SYT1: variants seen among roughly 807,000 people sequenced by gnomAD.
SYT1 encodes the protein synaptotagmin-1.
SYT1 carries 8 observed loss-of-function variants against 44.8 expected under a neutral mutation model. The ratio of observed to expected loss-of-function variants is 0.18; its 90% confidence interval spans 0.10 to 0.32. The LOEUF is 0.32. Ranked by LOEUF, SYT1 falls within the 10% of genes least tolerant of loss-of-function variation. The pLI is 1.00. For missense variants in SYT1, 286 were observed against 509.3 expected, an observed-to-expected ratio of 0.56 and a Z score of 4.22; for synonymous variants, 154 against 188.8, an observed-to-expected ratio of 0.82 and a Z score of 1.51.
intron 3 of SYT1, among the ~76,000 whole-genome samples, chr12:79,084,548 T>C (rs904776702): frequency 6.6e-6 from 1 of 152,108 alleles, no homozygotes; most frequent in African/African-American, 2.4e-5. Context: ...ACTCTTTCAC[T>C]TTTAGTGATA....
At chr12:79,153,380 A>G (rs888179169) in intron 3 of SYT1, among the ~76,000 whole-genome samples, 3 of 152,154 alleles carry the variant, frequency 2.0e-5, no homozygotes, top group Non-Finnish European at 2.9e-5. Flanking sequence ...GCCATTGAAC[A>G]TGTTAGAAAA....
intron 3 of SYT1, among the ~76,000 whole-genome samples, chr12:79,066,419 A>G (rs1168608011): frequency 6.6e-6 from 1 of 151,884 alleles, no homozygotes; most frequent in African/African-American, 2.4e-5. Flanking sequence ...ACTTCAGAAA[A>G]TCTTAAACTT....
At chr12:78,980,410 A>G (rs1376990968) in intron 2 of SYT1, among the ~76,000 whole-genome samples, 1 of 152,192 alleles carries the variant, frequency 6.6e-6, no homozygotes, top group Non-Finnish European at 1.5e-5. Context: ...TTTGTAAACT[A>G]GATATGTCCT....
intron 9 of SYT1, among the ~76,000 whole-genome samples, chr12:79,414,786 G>A (rs1868631858): frequency 6.6e-6 from 1 of 152,140 alleles, no homozygotes. Context: ...AGATGAATGA[G>A]GGCTACAAGA....
intron 9 of SYT1, among the ~76,000 whole-genome samples, chr12:79,364,846 A>C (rs994380055): frequency 6.6e-6 from 1 of 152,188 alleles, no homozygotes; most frequent in Non-Finnish European, 1.5e-5. Flanking sequence ...CTACATATAC[A>C]TATGAAACTG....
At chr12:78,949,360 T>TTA in intron 1 of SYT1, among the ~76,000 whole-genome samples, 1 of 151,786 alleles carries the variant, frequency 6.6e-6, no homozygotes, top group African/African-American at 2.4e-5. Flanking sequence ...TTTTTTAAAG[T>TTA]AATACCAACT....
intron 3 of SYT1, chr12:79,103,161 G>A (rs1053013313): frequency 6.6e-6 from 1 of 152,016 alleles, no homozygotes; most frequent in Non-Finnish European, 1.5e-5. Context: ...TTTACTTATC[G>A]TGGCAATTTT....
At chr12:79,309,267 A>C (rs1046839321) in intron 8 of SYT1, among the ~76,000 whole-genome samples, 1 of 152,226 alleles carries the variant, frequency 6.6e-6, no homozygotes, top group African/African-American at 2.4e-5. Context: ...GAAAGAGTCC[A>C]ATGTAGGATT....
At chr12:79,279,701 G>C (rs776244029) in intron 4 of SYT1, among the ~76,000 whole-genome samples, 11 of 152,044 alleles carry the variant, frequency 7.2e-5, no homozygotes, top group Non-Finnish European at 1.6e-4. Context: ...CATTGGAAAA[G>C]AGGATGTCAA....
chr12:79,338,494 A>T (rs1478418295), intron 8 of SYT1, among the ~76,000 whole-genome samples: 1 of 151,522 alleles, frequency 6.6e-6, no homozygotes, highest in East Asian at 1.9e-4. Context: ...GCTGGTCTTG[A>T]ACTCCTGAGC....
At chr12:79,357,483 C>T (rs910111416) in intron 9 of SYT1, among the ~76,000 whole-genome samples, 27 of 152,184 alleles carry the variant, frequency 1.8e-4, no homozygotes, top group African/African-American at 6.0e-4. Context: ...TGTGGTATGG[C>T]TTATTGCTCC....
At chr12:79,270,901 A>G (rs1433278746) in intron 4 of SYT1, among the ~76,000 whole-genome samples, 1 of 152,226 alleles carries the variant, frequency 6.6e-6, no homozygotes, top group Non-Finnish European at 1.5e-5. Flanking sequence ...CAGGCATTTT[A>G]GGGACTGCAA....
In SYT1 at chr12:79,448,931, T is replaced by C. The variant is rs1593076434; in HGVS notation, c.1076T>C (p.Val359Ala). Residue 359 changes from valine (V) to alanine (A), a missense_variant, in exon 11 of 11, where the codon GTG becomes GCG. By Grantham distance (64) the Val-to-Ala change is moderately conservative (BLOSUM62 0). Coordinates refer to ENST00000261205, the MANE Select transcript of SYT1 (RefSeq NM_005639.3). ...PFEQIQKVQV[V>A]VTVLDYDKIG... is the part of the protein sequence containing the mutation. ...GGCTTCTTTCAGAAAGTGCAGGTGG[T>C]GGTAACTGTTTTGGACTATGACAAG... The C allele has an allele frequency of 6.2e-7, 1 of 1,614,150 alleles. No homozygotes were observed.
chr12:78,918,309 C>G (rs999819351), intron 1 of SYT1, among the ~76,000 whole-genome samples: 8 of 152,122 alleles, frequency 5.3e-5, no homozygotes, highest in African/African-American at 1.9e-4. Flanking sequence ...CCTTGCCATT[C>G]TCTCCATTCC....
At chr12:79,158,334 G>A (rs1870727182) in intron 3 of SYT1, among the ~76,000 whole-genome samples, 1 of 152,038 alleles carries the variant, frequency 6.6e-6, no homozygotes, top group South Asian at 2.1e-4. Context: ...TTCACAATAG[G>A]GTTGGCCCTC....
intron 8 of SYT1, among the ~76,000 whole-genome samples, chr12:79,315,617 T>A (rs899234037): frequency 7.9e-5 from 12 of 152,082 alleles, no homozygotes; most frequent in African/African-American, 2.7e-4. Flanking sequence ...TGGAAATGTC[T>A]TTCCTGGGGC....
At chr12:79,124,594 C>T (rs999650958) in intron 3 of SYT1, among the ~76,000 whole-genome samples, 9 of 152,000 alleles carry the variant, frequency 5.9e-5, no homozygotes, top group Non-Finnish European at 1.3e-4. Context: ...TCATCATCAT[C>T]ATCATCACCA....
rs554788467 is a variant in SYT1, at chr12:78,956,755, CT to C, written c.-216-21041del. On this transcript the variant is annotated intron_variant, in intron 1 of 10. Transcript: ENST00000261205. ...TAAAAGATAAAATTAAAAATATAAA[CT>C]TTATTTCTTGACATAAGTTCTATCA... 1.6e-3 allele frequency among the ~76,000 whole-genome samples: 241 copies of C among 152,122 alleles called. 2 individuals are homozygous for C. Among genetic ancestry groups the C allele is most frequent in the Non-Finnish European group, 2.1e-3 (143 of 67,970 alleles).
chr12:79,409,327 CTG>C (rs1212439558), intron 9 of SYT1, among the ~76,000 whole-genome samples: 1 of 152,074 alleles, frequency 6.6e-6, no homozygotes, highest in African/African-American at 2.4e-5. Flanking sequence ...TTTCTGGTAA[CTG>C]CCACACACTC....
Sources: allele counts gnomAD v4.1 joint callset (sites outside exome capture counted in the v4.1 genomes callset), GRCh38; gene constraint gnomAD v4.1.1; transcripts MANE v1.5; gene names NCBI Gene and HGNC (gene_info 2026-07-23, HGNC 2026-07-21).